ADAMTS16: variants seen among roughly 807,000 people sequenced by gnomAD.
ADAMTS16 encodes A disintegrin and metalloproteinase with thrombospondin motifs 16.
ADAMTS16 carries 94 observed loss-of-function variants against 145.8 expected under a neutral mutation model. That is an observed-to-expected ratio of 0.64 (90% CI 0.55 to 0.77). The LOEUF (loss-of-function observed/expected upper bound fraction) is 0.77, where lower values mean the gene tolerates loss of function less well. Among genes scored for constraint, ADAMTS16 ranks in the 30% least tolerant of loss-of-function variants. The probability of loss-of-function intolerance (pLI) is 0.00; values close to 1 mark genes in which losing one functional copy is unlikely to be tolerated. For missense variants in ADAMTS16, 1,585 were observed against 1,591.5 expected, an observed-to-expected ratio of 1.00 and a Z score of 0.07; for synonymous variants, 659 against 604.3, an observed-to-expected ratio of 1.09 and a Z score of -1.33.
intron 8 of ADAMTS16, among the ~76,000 whole-genome samples, chr5:5,193,158 TGTGTGC>T (rs763087309): frequency 2.0e-4 from 29 of 142,582 alleles, no homozygotes; most frequent in East Asian, 1.7e-3. Flanking sequence ...TGTGTGTGTG[TGTGTGC>T]GCGCGCGCAC....
At chr5:5,222,249 G>A (rs1312455656) in intron 10 of ADAMTS16, among the ~76,000 whole-genome samples, 1 of 152,154 alleles carries the variant, frequency 6.6e-6, no homozygotes, top group Non-Finnish European at 1.5e-5. Flanking sequence ...GGAACCTCTT[G>A]CCTGGCAAGA....
intron 16 of ADAMTS16, among the ~76,000 whole-genome samples, chr5:5,240,693 G>T (rs776932299): frequency 6.6e-6 from 1 of 152,084 alleles, no homozygotes; most frequent in Non-Finnish European, 1.5e-5. Flanking sequence ...ATCCTCTTGC[G>T]TCTTCCTGGG....
intron 6 of ADAMTS16, 54 bp downstream of exon 6, chr5:5,187,862 A>T: frequency 8.2e-7 from 1 of 1,218,126 alleles, no homozygotes; most frequent in Non-Finnish European, 1.2e-6. Flanking sequence ...AATAAATGCA[A>T]AATAATGCTT....
intron 17 of ADAMTS16, among the ~76,000 whole-genome samples, chr5:5,245,241 T>G (rs1174664971): frequency 6.6e-6 from 1 of 152,208 alleles, no homozygotes; most frequent in Middle Eastern, 3.2e-3. Flanking sequence ...AATCAGATGA[T>G]TTAAATTATG....
chr5:5,308,063 G>A (rs372040616), intron 21 of ADAMTS16, among the ~76,000 whole-genome samples: 9 of 152,114 alleles, frequency 5.9e-5, no homozygotes, highest in South Asian at 2.1e-4. Context: ...AAACACCTCC[G>A]CCTCCGGCCA....
At chr5:5,271,050 A>G (rs1738452810) in intron 18 of ADAMTS16, among the ~76,000 whole-genome samples, 2 of 152,192 alleles carry the variant, frequency 1.3e-5, no homozygotes. Context: ...ACAAGGATTG[A>G]GGGGTGGAAC....
chr5:5,290,308 C>T (rs772905599), intron 18 of ADAMTS16, among the ~76,000 whole-genome samples: 54 of 152,176 alleles, frequency 3.5e-4, no homozygotes, highest in Non-Finnish European at 7.1e-4. Context: ...CTCACGATCA[C>T]AGTCCATGAA....
At position 5,200,186 on chromosome 5, in the gene ADAMTS16, C is replaced by T; in HGVS notation, c.1368C>T (p.Asn456=). 1.2e-6 allele frequency: 2 copies of T among 1,614,010 alleles called. No individual in the cohort carries two copies. The highest frequency in any genetic ancestry group is 8.5e-7 in the Non-Finnish European group (1 of 1,179,944). ...EGNMCKKSEG[N]IMSPTLAGRN... ...ACATGTGCAAAAAGTCCGAGGGCAA[C>T]ATCATGTCCCCTACATTGGCAGGAC... is the stretch of plus-strand genomic sequence containing the variant. Residue 456 remains asparagine, a synonymous_variant, in exon 9 of 23, where the codon AAC becomes AAT. Transcript: ENST00000274181.
At chr5:5,216,930 A>G (rs1205442102) in intron 10 of ADAMTS16, among the ~76,000 whole-genome samples, 1 of 151,688 alleles carries the variant, frequency 6.6e-6, no homozygotes, top group Non-Finnish European at 1.5e-5. Flanking sequence ...TACAAAGGAC[A>G]TGAACTCATC....
At chr5:5,295,592 G>C (rs951533336) in intron 18 of ADAMTS16, among the ~76,000 whole-genome samples, 1 of 152,216 alleles carries the variant, frequency 6.6e-6, no homozygotes, top group Non-Finnish European at 1.5e-5. Context: ...TTTGCCAAGG[G>C]ATGAAGAGGC....
intron 18 of ADAMTS16, among the ~76,000 whole-genome samples, chr5:5,275,143 G>C (rs1376158095): frequency 6.6e-6 from 1 of 152,184 alleles, no homozygotes; most frequent in East Asian, 1.9e-4. Flanking sequence ...TCTGGGGTTG[G>C]AGGGAAGAAC....
At chr5:5,273,141 G>A (rs1738545513) in intron 18 of ADAMTS16, among the ~76,000 whole-genome samples, 1 of 152,152 alleles carries the variant, frequency 6.6e-6, no homozygotes, top group Non-Finnish European at 1.5e-5. Context: ...ATCGTCTTTG[G>A]GTACCTGTTT....
At chr5:5,188,387 G>C (rs1560940541) in intron 6 of ADAMTS16, among the ~76,000 whole-genome samples, 1 of 152,232 alleles carries the variant, frequency 6.6e-6, no homozygotes, top group Non-Finnish European at 1.5e-5. Context: ...GTGGGTTAAA[G>C]ATCCTTTGCC....
intron 17 of ADAMTS16, among the ~76,000 whole-genome samples, chr5:5,246,512 T>C (rs1307943630): frequency 6.6e-6 from 1 of 152,218 alleles, no homozygotes; most frequent in Non-Finnish European, 1.5e-5. Flanking sequence ...TATCAAACCA[T>C]CCATTTATCC....
At chr5:5,247,900 A>G (rs2913639) in intron 17 of ADAMTS16, among the ~76,000 whole-genome samples, 144,291 of 152,308 alleles carry the variant, frequency 0.95, 68,722 homozygotes, top group Non-Finnish European at 1. Flanking sequence ...TGTCCACAGC[A>G]ATTGTGCAGG....
intron 17 of ADAMTS16, among the ~76,000 whole-genome samples, chr5:5,244,054 A>G (rs1324528763): frequency 6.6e-6 from 1 of 152,232 alleles, no homozygotes; most frequent in African/African-American, 2.4e-5. Context: ...GATGGAGTAC[A>G]GGATGTCTGT....
Position 5,202,917 on chromosome 5 carries a change from C to T in ADAMTS16, c.1451+2648C>T, listed in dbSNP as rs149693586. 1.8e-3 allele frequency among the ~76,000 whole-genome samples: 267 copies of T among 152,102 alleles called. 1 individual carries two copies. The highest frequency in any genetic ancestry group is 6.1e-3 in the African/African-American group (253 of 41,494). On this transcript the variant is annotated intron_variant, in intron 9 of 22. Transcript: ENST00000274181. ...GCTCGGGGAATAATTATTTTGAGGA[C>T]GTTGAAAATAGAATGCCATCTTGAA...
chr5:5,199,360 T>C (rs1735895841), intron 8 of ADAMTS16, among the ~76,000 whole-genome samples: 1 of 152,208 alleles, frequency 6.6e-6, no homozygotes, highest in African/African-American at 2.4e-5. Flanking sequence ...GATGTACCTG[T>C]ACTCTGAGCC....
intron 3 of ADAMTS16, among the ~76,000 whole-genome samples, chr5:5,170,148 T>C (rs1235970846): frequency 6.6e-6 from 1 of 152,202 alleles, no homozygotes; most frequent in African/African-American, 2.4e-5. Context: ...GTGGGTGTAC[T>C]AATTTACGTT....
Sources: allele counts gnomAD v4.1 joint callset (sites outside exome capture counted in the v4.1 genomes callset), GRCh38; gene constraint gnomAD v4.1.1; transcripts MANE v1.5; gene names NCBI Gene and HGNC (gene_info 2026-07-23, HGNC 2026-07-21).